PLEKHA4: variants seen among roughly 807,000 people sequenced by gnomAD.
The protein encoded by PLEKHA4 is pleckstrin homology domain containing A4.
Under a neutral mutation model 94.7 loss-of-function variants are expected in PLEKHA4, and 73 were observed. The ratio of observed to expected loss-of-function variants is 0.77; its 90% CI spans 0.64 to 0.94. The LOEUF (loss-of-function observed/expected upper bound fraction) is 0.94. Ranked by LOEUF, PLEKHA4 falls within the 40% of genes least tolerant of loss-of-function variation. The pLI is 0.00. For missense variants in PLEKHA4, 1,049 were observed against 1,054.1 expected (o/e 1.00, Z 0.07); for synonymous variants, 449 against 437.1 (o/e 1.03, Z -0.34).
intron 7 of PLEKHA4, 108 bp from the exon 8 acceptor site, chr19:48,859,247 C>G: frequency 1.0e-6 from 1 of 978,608 alleles, no homozygotes; most frequent in Non-Finnish European, 1.5e-6. Context: ...CTGTGTCTTA[C>G]TGTCCCACTG....
At chr19:48,857,230 CG>C (rs2036456473) in intron 9 of PLEKHA4, among the ~76,000 whole-genome samples, 191 bp downstream of exon 9, 1 of 152,146 alleles carries the variant, frequency 6.6e-6, no homozygotes, top group Non-Finnish European at 1.5e-5. Context: ...CCTCCAGAAC[CG>C]CAAGATAATC....
rs200439028 is a variant in PLEKHA4, at chr19:48,865,595, C to T, written c.100G>A (p.Val34Ile). Reference protein sequence around the residue: ...SLSPKKPTRAVNKIHAFGKRG... With the variant: ...SLSPKKPTRAINKIHAFGKRG... ...TTCCCAAAGGCGTGGATCTTGTTTACTGCCCGGGTGGGCTTCTGAGGAGAG... is the reference window on the plus strand; with the variant it reads ...TTCCCAAAGGCGTGGATCTTGTTTATTGCCCGGGTGGGCTTCTGAGGAGAG... The change falls in exon 3 of 20, where the codon GTA becomes ATA. Residue 34 changes from valine to isoleucine, a missense_variant. Transcript: ENST00000263265. 96 of 1,613,736 alleles carry T rather than the reference C, an allele frequency of 5.9e-5. 1 individual carries two copies. In the South Asian group the frequency reaches 8.3e-4, roughly 14 times the overall value.
intron 3 of PLEKHA4, among the ~76,000 whole-genome samples, chr19:48,862,326 G>A (rs1273474651): frequency 2.0e-5 from 3 of 149,112 alleles, no homozygotes; most frequent in African/African-American, 5.0e-5. Context: ...TCAGCCTCCC[G>A]AGTAACTGGG....
chr19:48,838,492 G>A (rs2035630214), intron 18 of PLEKHA4, among the ~76,000 whole-genome samples: 3 of 147,124 alleles, frequency 2.0e-5, no homozygotes, highest in South Asian at 2.1e-4. Context: ...GGCCAGGTGC[G>A]ACAGCTTATC....
chr19:48,851,442 C>T (rs182632640), intron 13 of PLEKHA4, among the ~76,000 whole-genome samples: 1 of 149,512 alleles, frequency 6.7e-6, no homozygotes, highest in African/African-American at 2.5e-5. Flanking sequence ...CATAGAGAAA[C>T]CCCGTCTCTA....
At chr19:48,858,791 A>T in intron 8 of PLEKHA4, 69 bp downstream of exon 8, 1 of 1,563,228 alleles carries the variant, frequency 6.4e-7, no homozygotes, top group Non-Finnish European at 8.8e-7. Context: ...AATGGCCTTG[A>T]GAATACGGAA....
chr19:48,847,344 G>A (rs1304909177), intron 14 of PLEKHA4, among the ~76,000 whole-genome samples: 4 of 152,146 alleles, frequency 2.6e-5, no homozygotes, highest in Non-Finnish European at 5.9e-5. Context: ...GCTGAAGCAG[G>A]AGGATTGCTT....
Position 48,853,841 on chromosome 19 carries a change from G to A in PLEKHA4, c.1177-10C>T. On this transcript the variant is annotated splice_polypyrimidine_tract_variant and intron_variant, in intron 11 of 19. Transcript: ENST00000263265. ...CTGCTTCTAGTTGCTCCTGCACCAA[G>A]ACAGAAGGTGGTTAGACTTCAGAAG... 1.3e-6 allele frequency: 2 copies of A among 1,598,904 alleles called. No individual in the cohort carries two copies. The highest frequency in any genetic ancestry group is 1.7e-6 in the Non-Finnish European group (2 of 1,172,308).
intron 9 of PLEKHA4, among the ~76,000 whole-genome samples, chr19:48,855,547 C>T (rs773119555): frequency 1.3e-5 from 2 of 151,612 alleles, no homozygotes; most frequent in Non-Finnish European, 2.9e-5. Context: ...GAGGTTGCAG[C>T]GAGCCGAGAT....
In PLEKHA4 at chr19:48,856,916, AG is replaced by A. The variant is rs367608423; in HGVS notation, c.1047+505del. ...CCCGTCTCAAAAAAAAAAAAAAAAAAGAAAGAAAGAAAGAAAAGAAAAGAAA... is the reference window on the plus strand; with the variant it reads ...CCCGTCTCAAAAAAAAAAAAAAAAAAAAAGAAAGAAAGAAAAGAAAAGAAA... On this transcript the variant is annotated intron_variant, in intron 9 of 19. Coordinates refer to ENST00000263265, the MANE Select transcript of PLEKHA4 (RefSeq NM_020904.3). 1.3e-3 allele frequency among the ~76,000 whole-genome samples: 163 copies of A among 124,090 alleles called. 2 individuals carry two copies. The highest frequency in any genetic ancestry group is 5.2e-3 in the African/African-American group (146 of 27,878). The allele number at this position is 124,090 out of a possible 152,430, so 81.4% of individuals were successfully genotyped here.
intron 13 of PLEKHA4, among the ~76,000 whole-genome samples, chr19:48,848,432 G>A (rs2036052371): frequency 1.4e-5 from 2 of 146,358 alleles, no homozygotes; most frequent in Non-Finnish European, 3.0e-5. Context: ...CTTGCAGTGA[G>A]CCGAGATCCC....
At chr19:48,852,944 C>G (rs1160034134) in intron 12 of PLEKHA4, among the ~76,000 whole-genome samples, 1 of 151,970 alleles carries the variant, frequency 6.6e-6, no homozygotes, top group Non-Finnish European at 1.5e-5. Flanking sequence ...AAAAAAATAA[C>G]CACAGCACCC....
rs1309856099 is a variant in PLEKHA4 at position 48,845,511 on chromosome 19, G to A, written c.1666+6C>T. The A allele has an allele frequency of 6.2e-7, 1 of 1,613,040 alleles. No individual in the cohort carries two copies. Among genetic ancestry groups the A allele is most frequent in the Non-Finnish European group, 8.5e-7 (1 of 1,179,338 alleles). On this transcript the variant is annotated splice_donor_region_variant and intron_variant, in intron 15 of 19. Coordinates refer to ENST00000263265, the MANE Select transcript of PLEKHA4 (RefSeq NM_020904.3). ...CCGTAAAGTCCCACCCAACCAGGAT[G>A]CTCACCTAAGTGAGGGCTGGCGAGG...
intron 9 of PLEKHA4, among the ~76,000 whole-genome samples, chr19:48,857,091 TA>T (rs1362191217): frequency 1.3e-5 from 2 of 151,170 alleles, no homozygotes; most frequent in Non-Finnish European, 3.0e-5. Context: ...GATGTGGCCA[TA>T]AAAAAAACCA....
At chr19:48,839,316 A>C in intron 17 of PLEKHA4, 53 bp from the exon 18 acceptor site, 41 of 1,286,560 alleles carry the variant, frequency 3.2e-5, no homozygotes, top group Non-Finnish European at 3.6e-5. Context: ...CCACGTTCTC[A>C]TTTTGAGGGT....
At chr19:48,845,839 C>T (rs990606580) in intron 14 of PLEKHA4, among the ~76,000 whole-genome samples, 1 of 151,284 alleles carries the variant, frequency 6.6e-6, no homozygotes, top group Non-Finnish European at 1.5e-5. Context: ...AGTGAAAACC[C>T]GTCTCTACTA....
chr19:48,854,275 G>A lies in PLEKHA4; in HGVS notation c.1048-11C>T. 6.2e-7 allele frequency: 1 copy of A among 1,613,656 alleles called. No individual in the cohort carries two copies. The highest frequency in any genetic ancestry group is 8.5e-7 in the Non-Finnish European group (1 of 1,179,604). ...CAGGGGAGGACCCGGCTGAAGAGAA[G>A]GAAAAAAGTCAGGGGTCAAAGGGGA... On this transcript the variant is annotated splice_polypyrimidine_tract_variant and intron_variant, in intron 9 of 19. Transcript: ENST00000263265.
chr19:48,847,008 A>G (rs1300983599), intron 14 of PLEKHA4, among the ~76,000 whole-genome samples: 1 of 152,122 alleles, frequency 6.6e-6, no homozygotes, highest in Non-Finnish European at 1.5e-5. Flanking sequence ...CAGTCTCCCA[A>G]GTAGCTGGGA....
At chr19:48,866,868 A>G (rs1041950895) in intron 2 of PLEKHA4, among the ~76,000 whole-genome samples, 1 of 152,120 alleles carries the variant, frequency 6.6e-6, no homozygotes, top group Non-Finnish European at 1.5e-5. Context: ...GCAACCAAGT[A>G]CAAGGAGAGG....
Sources: gnomAD v4.1 joint callset for allele counts (sites outside exome capture counted in the v4.1 genomes callset) on GRCh38, gnomAD v4.1.1 for gene constraint, MANE v1.5 for transcripts, NCBI Gene and HGNC (gene_info 2026-07-23, HGNC 2026-07-21) for gene names.